Variants in PDE1A observed in about 807,000 individuals in gnomAD.
PDE1A encodes the protein dual specificity calcium/calmodulin-dependent 3',5'-cyclic nucleotide phosphodiesterase 1A.
Under a neutral mutation model 61.7 loss-of-function variants are expected in PDE1A, and 35 were observed. The ratio of observed to expected loss-of-function variants is 0.57; its 90% CI spans 0.43 to 0.75. The LOEUF (loss-of-function observed/expected upper bound fraction) is 0.75. Among genes scored for constraint, PDE1A ranks in the 30% least tolerant of loss-of-function variants. The pLI is 0.00. For synonymous variants in PDE1A, 232 were observed against 213.2 expected (o/e 1.09, Z -0.77); for missense variants, 597 against 630.6 (o/e 0.95, Z 0.57).
intron 1 of PDE1A, among the ~76,000 whole-genome samples, chr2:182,293,879 T>C (rs1694701563): frequency 1.3e-5 from 2 of 152,074 alleles, no homozygotes; most frequent in Non-Finnish European, 2.9e-5. Context: ...CATTGTGAGG[T>C]AGTGTTAAGC....
chr2:182,451,537 A>G (rs1685520737), intron 2 of PDE1A, among the ~76,000 whole-genome samples: 1 of 152,120 alleles, frequency 6.6e-6, no homozygotes, highest in South Asian at 2.1e-4. Context: ...TAACTGTGTA[A>G]GTAGCTCTTT....
intron 1 of PDE1A, among the ~76,000 whole-genome samples, chr2:182,265,155 T>C (rs948612405): frequency 1.4e-4 from 21 of 151,330 alleles, no homozygotes; most frequent in African/African-American, 4.9e-4. Flanking sequence ...TTGGGTACAG[T>C]GTACACTGCT....
At chr2:182,507,905 G>A (rs1045672968) in intron 2 of PDE1A, among the ~76,000 whole-genome samples, 4 of 151,796 alleles carry the variant, frequency 2.6e-5, no homozygotes, top group African/African-American at 9.7e-5. Flanking sequence ...AAGAATGCTT[G>A]AAAAAAATAC....
At chr2:182,273,121 T>C (rs1393092123) in intron 1 of PDE1A, among the ~76,000 whole-genome samples, 1 of 152,108 alleles carries the variant, frequency 6.6e-6, no homozygotes, top group Non-Finnish European at 1.5e-5. Context: ...AAGGAAGGAC[T>C]AAAAGAGCTA....
chr2:182,712,924 C>A, the PDE1A span, among the ~76,000 whole-genome samples: 1 of 152,072 alleles, frequency 6.6e-6, no homozygotes, highest in Non-Finnish European at 1.5e-5. Flanking sequence ...CTGTGGCTTC[C>A]CATTGCTCAT....
chr2:182,375,354 G>A (rs1700337807), intron 1 of PDE1A, among the ~76,000 whole-genome samples: 1 of 152,168 alleles, frequency 6.6e-6, no homozygotes, highest in Non-Finnish European at 1.5e-5. Flanking sequence ...GATACAATGG[G>A]GGTACAGGTA....
Position 182,241,781 on chromosome 2 carries a change from T to C in PDE1A, c.168-1489A>G, listed in dbSNP as rs562736723. The stretch of plus-strand genomic sequence containing the variant: ...GATAAAAAATATTTAGAGTTGAATG[T>C]TAATACTGATTAATACTTACTCTAT... On this transcript the variant is annotated intron_variant, in intron 2 of 13. Transcript: ENST00000351439. The C allele has an allele frequency of 1.1e-4, 156 of 1,430,430 alleles. No homozygotes were observed. The African/African-American group carries it at 1.9e-3, about 17-fold the overall frequency. The allele number at this position is 1,430,430 out of a possible 1,614,324, so 88.6% of individuals were successfully genotyped here.
chr2:182,561,616 A>G, the PDE1A span, among the ~76,000 whole-genome samples: 2 of 152,104 alleles, frequency 1.3e-5, no homozygotes, highest in Non-Finnish European at 2.9e-5. Flanking sequence ...GCTTGATGGG[A>G]ATGCTATTGA....
At chr2:182,428,520 GATCA>G (rs1385041236), upstream of PDE1A, among the ~76,000 whole-genome samples, 2 of 152,010 alleles carry the variant, frequency 1.3e-5, no homozygotes, top group Non-Finnish European at 2.9e-5. Flanking sequence ...TTCTCTTTAT[GATCA>G]ATAAGTACCA....
intron 1 of PDE1A, among the ~76,000 whole-genome samples, chr2:182,364,489 A>AAC: frequency 6.9e-6 from 1 of 145,500 alleles, no homozygotes; most frequent in Non-Finnish European, 1.5e-5. Flanking sequence ...AAAAAAAAAA[A>AAC]AAAAAAAAAA....
chr2:182,349,857 G>A (rs1236352745), intron 1 of PDE1A, among the ~76,000 whole-genome samples: 1 of 152,090 alleles, frequency 6.6e-6, no homozygotes, highest in African/African-American at 2.4e-5. Context: ...AACAGTAGGC[G>A]AGTAGCAGTG....
chr2:182,423,159 G>T (rs1574622014), intron 1 of PDE1A, among the ~76,000 whole-genome samples: 6 of 152,252 alleles, frequency 3.9e-5, no homozygotes, highest in Non-Finnish European at 2.9e-5. Flanking sequence ...GGCCATAAAA[G>T]AAACTTAGCC....
chr2:182,310,022 G>C (rs551743823), intron 1 of PDE1A, among the ~76,000 whole-genome samples: 3 of 152,288 alleles, frequency 2.0e-5, no homozygotes, highest in African/African-American at 7.2e-5. Flanking sequence ...AGAGTTATCA[G>C]AGTAATTGAG....
At chr2:182,237,504 C>CA (rs543515595) in intron 3 of PDE1A, among the ~76,000 whole-genome samples, 69 of 152,104 alleles carry the variant, frequency 4.5e-4, no homozygotes, top group African/African-American at 1.6e-3. Flanking sequence ...AACACACAAA[C>CA]AAAAAACAAC....
At position 182,435,234 on chromosome 2, in the gene PDE1A, C is replaced by T. The variant is rs115900947; in HGVS notation, c.101+87042G>A. Among the ~76,000 whole-genome samples the T allele has an allele frequency of 2.1e-3, 323 of 152,068 alleles. 1 individual carries two copies. Among genetic ancestry groups the T allele is most frequent in the Non-Finnish European group, 4.1e-3 (281 of 67,966 alleles). The stretch of plus-strand genomic sequence containing the variant: ...GCTTAGTGTGTAATCAACGAACATA[C>T]AAATCTACTATTAAAGGAAATGGCT... On this transcript the variant is annotated intron_variant, in intron 2 of 14. Transcript: ENST00000410103.
At chr2:182,509,403 C>G (rs1413849875) in intron 2 of PDE1A, among the ~76,000 whole-genome samples, 1 of 152,134 alleles carries the variant, frequency 6.6e-6, no homozygotes, top group East Asian at 1.9e-4. Flanking sequence ...CAAAACTAGA[C>G]AAACAGATGG....
exon 8 of PDE1A, chr2:182,205,997 C>A: frequency 1.2e-6 from 2 of 1,611,476 alleles, no homozygotes; most frequent in African/African-American, 1.3e-5. Flanking sequence ...TTGCATAAGT[C>A]GATAAGCTGC....
chr2:182,425,173 G>A (rs774509556), intron 1 of PDE1A, among the ~76,000 whole-genome samples: 1 of 152,166 alleles, frequency 6.6e-6, no homozygotes, highest in Non-Finnish European at 1.5e-5. Flanking sequence ...TGATGGCTAG[G>A]TGGATCTGAT....
At chr2:182,687,858 T>C in the PDE1A span, among the ~76,000 whole-genome samples, 1 of 152,110 alleles carries the variant, frequency 6.6e-6, no homozygotes. Flanking sequence ...CTGAAAACCA[T>C]GGCACAAGAA....
Sources: gnomAD v4.1 joint callset for allele counts (sites outside exome capture counted in the v4.1 genomes callset) on GRCh38, gnomAD v4.1.1 for gene constraint, MANE v1.5 for transcripts, NCBI Gene and HGNC (gene_info 2026-07-23, HGNC 2026-07-21) for gene names.